TMEM230: variants seen among roughly 807,000 people sequenced by gnomAD.
TMEM230 encodes transmembrane protein 230.
In TMEM230, 10 loss-of-function variants were observed where a neutral mutation model predicts 15.8. The ratio of observed to expected loss-of-function variants is 0.63; its 90% CI spans 0.39 to 1.07. TMEM230 has a LOEUF of 1.07. Ranked by LOEUF, TMEM230 falls within the 50% of genes least tolerant of loss-of-function variation. The pLI, the probability that TMEM230 is intolerant of heterozygous loss-of-function variation, is 0.01. For missense variants in TMEM230, 165 were observed against 193.3 expected (o/e 0.85, Z 0.87); for synonymous variants, 67 against 76.9 (o/e 0.87, Z 0.68).
chr20:5,064,087 T>C (rs1226346640), downstream of TMEM230, among the ~76,000 whole-genome samples: 1 of 148,656 alleles, frequency 6.7e-6, no homozygotes, highest in Non-Finnish European at 1.5e-5. Flanking sequence ...GCCAATATGG[T>C]GAAACCCTGT....
intron 3 of TMEM230, among the ~76,000 whole-genome samples, chr20:5,072,805 C>T (rs1257477340): frequency 2.8e-5 from 4 of 142,918 alleles, no homozygotes; most frequent in South Asian, 2.2e-4. Flanking sequence ...GCCGAGATCA[C>T]GCCATTGCAC....
chr20:5,068,692 C>T (rs1283579079), exon 4 of TMEM230: 6 of 152,676 alleles, frequency 3.9e-5, no homozygotes, highest in African/African-American at 1.4e-4. Flanking sequence ...GACACAGAGC[C>T]AAATCATATC....
At chr20:5,110,079 C>T (rs746460556) in intron 2 of TMEM230, among the ~76,000 whole-genome samples, 1 of 151,962 alleles carries the variant, frequency 6.6e-6, no homozygotes, top group Non-Finnish European at 1.5e-5. Context: ...TTTTTGGAGA[C>T]GGTGTCTTGC....
intron 3 of TMEM230, among the ~76,000 whole-genome samples, chr20:5,088,690 T>A (rs1218350548): frequency 3.3e-5 from 5 of 151,864 alleles, no homozygotes; most frequent in African/African-American, 7.3e-5. Flanking sequence ...TTAAAAAAAA[T>A]TTTTTTGTAG....
chr20:5,108,275 T>A (rs2090173144), intron 3 of TMEM230, among the ~76,000 whole-genome samples: 1 of 151,490 alleles, frequency 6.6e-6, no homozygotes, highest in South Asian at 2.1e-4. Context: ...CAAAATTAGC[T>A]GGGCGTGGTG....
At chr20:5,100,958 T>C (rs1216754565) in intron 4 of TMEM230, 27 bp from the exon 4 acceptor site, 2 of 1,613,304 alleles carry the variant, frequency 1.2e-6, no homozygotes, top group Non-Finnish European at 1.7e-6. Context: ...GCAAACACAT[T>C]AGTACCGTAA....
intron 3 of TMEM230, among the ~76,000 whole-genome samples, chr20:5,082,332 C>T (rs1313865712): frequency 1.3e-5 from 2 of 150,700 alleles, no homozygotes; most frequent in Middle Eastern, 3.5e-3. Context: ...CCTCTGCCTC[C>T]CAGGCTCAGG....
chr20:5,097,362 G>A (rs2089691932), downstream of TMEM230, among the ~76,000 whole-genome samples: 1 of 152,220 alleles, frequency 6.6e-6, no homozygotes. Context: ...CAACTGGAGA[G>A]GGTTTTTAGC....
intron 3 of TMEM230, among the ~76,000 whole-genome samples, chr20:5,087,750 A>G (rs1159977745): frequency 6.5e-5 from 9 of 138,970 alleles, no homozygotes; most frequent in African/African-American, 1.1e-4. Context: ...TAGGAAATCC[A>G]TATCACAACT....
At chr20:5,071,634 A>G (rs542239031) in intron 3 of TMEM230, among the ~76,000 whole-genome samples, 1 of 13,182 alleles carries the variant, frequency 7.6e-5, no homozygotes, top group East Asian at 0.045. Flanking sequence ...AAAAAAAAAA[A>G]AAAACAAAAA....
Position 5,100,761 on chromosome 20 carries a change from T to C in TMEM230, c.*30A>G, listed in dbSNP as rs1438486957. Reference sequence around the variant, plus strand: ...TATCTTAAAGCTGGGACAGTTCCACTGTGACTCCTCCTCAGCTATGGGGTG... The same window carrying C: ...TATCTTAAAGCTGGGACAGTTCCACCGTGACTCCTCCTCAGCTATGGGGTG... On this transcript the variant is annotated 3_prime_UTR_variant, in exon 5 of 5. Coordinates refer to ENST00000342308, the MANE Select transcript of TMEM230 (RefSeq NM_001009923.2). The C allele has an allele frequency of 6.2e-7, 1 of 1,611,592 alleles. No homozygotes were observed. The highest frequency in any genetic ancestry group is 8.5e-7 in the Non-Finnish European group (1 of 1,179,334).
At chr20:5,097,951 AATCTT>A (rs1349811594), downstream of TMEM230, among the ~76,000 whole-genome samples, 2 of 147,178 alleles carry the variant, frequency 1.4e-5, no homozygotes, top group Non-Finnish European at 1.5e-5. Flanking sequence ...CCTACCTAAG[AATCTT>A]ATCTAACTCA....
At chr20:5,088,684 A>T (rs1400759837) in intron 3 of TMEM230, among the ~76,000 whole-genome samples, 1 of 151,886 alleles carries the variant, frequency 6.6e-6, no homozygotes, top group East Asian at 1.9e-4. Flanking sequence ...GCTTAATTAA[A>T]AAAAATTTTT....
At chr20:5,097,560 T>C (rs1463637212), downstream of TMEM230, among the ~76,000 whole-genome samples, 1 of 152,212 alleles carries the variant, frequency 6.6e-6, no homozygotes, top group African/African-American at 2.4e-5. Flanking sequence ...CCCCCATTTC[T>C]TCACTGGCCC....
Position 5,101,918 on chromosome 20 carries a change from C to A in TMEM230, c.412-987G>T, listed in dbSNP as rs115221297. ...GGAACTGACTTACGAGGCACAGTGA[C>A]CCCACACATATAACAGAATTGCTAT... On this transcript the variant is annotated intron_variant, in intron 4 of 4. Coordinates refer to ENST00000342308, the MANE Select transcript of TMEM230 (RefSeq NM_001009923.2). 4.3e-3 allele frequency among the ~76,000 whole-genome samples: 661 copies of A among 152,344 alleles called. 7 individuals carry two copies. Among genetic ancestry groups the A allele is most frequent in the African/African-American group, 0.015 (631 of 41,586 alleles).
intron 3 of TMEM230, among the ~76,000 whole-genome samples, chr20:5,081,440 T>C (rs2089170837): frequency 1.3e-5 from 2 of 152,194 alleles, no homozygotes; most frequent in African/African-American, 4.8e-5. Flanking sequence ...GCAGCCCACA[T>C]GGTTCTCACG....
chr20:5,060,354 T>TTTTTTTTTTTTTTTTTTTTTTTTTTTG, the TMEM230 span, among the ~76,000 whole-genome samples: 1 of 112,188 alleles, frequency 8.9e-6, no homozygotes, highest in Non-Finnish European at 1.9e-5. Context: ...TTTTTTTTTT[T>TTTTTTTTTTTTTTTTTTTTTTTTTTTG]GAGATGGAGT....
intron 3 of TMEM230, among the ~76,000 whole-genome samples, chr20:5,075,066 CTTTT>C (rs35746212): frequency 2.8e-4 from 39 of 139,178 alleles, no homozygotes; most frequent in Non-Finnish European, 5.2e-4. Context: ...TAAAGTGGTA[CTTTT>C]TTTTTTTTTT....
Position 5,111,604 on chromosome 20 carries a change from ATC to A in TMEM230, c.69-1_69del, listed in dbSNP as rs2090322831. 1 of 125,514 alleles carries A rather than the reference ATC, an allele frequency of 8.0e-6. No homozygotes were observed. 7.8% of individuals were successfully genotyped at this position (125,514 alleles called of 1,614,324 possible). ...AGCCTGGGCGACAGAACTAGACTCC[ATC>A]TAAAAAAAAAAAAAAAAAAAAAAAA... On this transcript the variant is annotated splice_acceptor_variant and coding_sequence_variant, in exon 2 of 5. Coordinates refer to ENST00000342308, the MANE Select transcript of TMEM230 (RefSeq NM_001009923.2). LOFTEE classifies it high-confidence loss of function.
Sources: allele counts gnomAD v4.1 joint callset (sites outside exome capture counted in the v4.1 genomes callset), GRCh38; gene constraint gnomAD v4.1.1; transcripts MANE v1.5; gene names NCBI Gene and HGNC (gene_info 2026-07-23, HGNC 2026-07-21).